The following TRIM44 variants were observed in gnomAD, a reference collection of about 807,000 sequenced individuals.
TRIM44 encodes tripartite motif containing 44.
TRIM44 carries 13 observed loss-of-function variants against 37.4 expected under a neutral mutation model. That is an observed-to-expected ratio of 0.35 (90% CI 0.23 to 0.55). The LOEUF (loss-of-function observed/expected upper bound fraction) is 0.55, where lower values mean the gene tolerates loss of function less well. Ranked by LOEUF, TRIM44 falls within the 20% of genes least tolerant of loss-of-function variation. The pLI is 0.89. For missense variants in TRIM44, 426 were observed against 437.2 expected (o/e 0.97, Z 0.23); for synonymous variants, 175 against 157.2 (o/e 1.11, Z -0.85).
At chr11:35,737,172 A>G (rs902441725) in intron 4 of TRIM44, among the ~76,000 whole-genome samples, 3 of 152,194 alleles carry the variant, frequency 2.0e-5, no homozygotes, top group Non-Finnish European at 2.9e-5. Flanking sequence ...AGAGTAAACA[A>G]ATTGTGTGCC....
rs1455608083 is a variant in TRIM44, at chr11:35,663,238, C to T, written c.127C>T (p.Arg43Cys). 1 of 1,608,762 alleles carries T rather than the reference C, an allele frequency of 6.2e-7. No homozygotes were observed. The highest frequency in any genetic ancestry group is 8.5e-7 in the Non-Finnish European group (1 of 1,176,090). ...CRECGFCYCR[R>C]HAEAHRQKFL... The stretch of plus-strand genomic sequence containing the variant: ...AGAATGCGGCTTCTGCTACTGCCGC[C>T]GCCATGCCGAGGCGCACAGGCAGAA... Residue 43 changes from arginine to cysteine, a missense_variant, in exon 1 of 5, where the codon CGC becomes TGC. Coordinates refer to ENST00000299413, the MANE Select transcript of TRIM44 (RefSeq NM_017583.6).
intron 4 of TRIM44, among the ~76,000 whole-genome samples, chr11:35,773,369 C>T (rs1036011926): frequency 4.6e-5 from 7 of 151,842 alleles, no homozygotes; most frequent in African/African-American, 1.2e-4. Flanking sequence ...AGTTTGTTAT[C>T]GATTCCAGAT....
At chr11:35,664,315 A>G (rs1175981855) in intron 1 of TRIM44, among the ~76,000 whole-genome samples, 2 of 152,226 alleles carry the variant, frequency 1.3e-5, no homozygotes, top group Admixed American at 1.3e-4. Flanking sequence ...AAAGGAGGGT[A>G]AGAAGATGGA....
intron 4 of TRIM44, among the ~76,000 whole-genome samples, chr11:35,771,309 C>G (rs981710733): frequency 1.3e-5 from 2 of 152,162 alleles, no homozygotes; most frequent in African/African-American, 2.4e-5. Flanking sequence ...AGACTGGTGG[C>G]ATTTTGCCCC....
At chr11:35,692,196 A>G (rs1206764439) in intron 2 of TRIM44, among the ~76,000 whole-genome samples, 2 of 151,986 alleles carry the variant, frequency 1.3e-5, no homozygotes, top group Non-Finnish European at 2.9e-5. Flanking sequence ...CTTACTTTTT[A>G]TAAAGAAATG....
chr11:35,717,052 G>A (rs957987987), intron 2 of TRIM44, among the ~76,000 whole-genome samples: 4 of 152,206 alleles, frequency 2.6e-5, no homozygotes, highest in African/African-American at 9.6e-5. Flanking sequence ...TTTGACGCCT[G>A]ATGGTTTGGA....
At chr11:35,689,028 G>A (rs1851612407) in intron 2 of TRIM44, among the ~76,000 whole-genome samples, 1 of 152,190 alleles carries the variant, frequency 6.6e-6, no homozygotes, top group African/African-American at 2.4e-5. Context: ...GTTGAGCAGA[G>A]GTAGGAAAGG....
At chr11:35,757,177 A>C (rs1355619622) in intron 4 of TRIM44, among the ~76,000 whole-genome samples, 1 of 152,184 alleles carries the variant, frequency 6.6e-6, no homozygotes, top group African/African-American at 2.4e-5. Context: ...CCTCAATTTT[A>C]GAGCTTGTTA....
chr11:35,785,563 G>A (rs994004681), intron 4 of TRIM44, among the ~76,000 whole-genome samples: 7 of 152,174 alleles, frequency 4.6e-5, no homozygotes, highest in Middle Eastern at 3.2e-3. Context: ...ACCCCTATTC[G>A]GGTAAGAGTT....
At chr11:35,782,662 C>T (rs1853081129) in intron 4 of TRIM44, among the ~76,000 whole-genome samples, 1 of 152,072 alleles carries the variant, frequency 6.6e-6, no homozygotes, top group Non-Finnish European at 1.5e-5. Context: ...CTCTATTAAT[C>T]AGGAAAGTAA....
chr11:35,714,779 C>T (rs532336315), intron 2 of TRIM44, among the ~76,000 whole-genome samples: 6 of 152,270 alleles, frequency 3.9e-5, no homozygotes, highest in Admixed American at 3.9e-4. Context: ...TCACTTTCCA[C>T]CTCCCACTTC....
At chr11:35,768,902 A>G (rs1036589168) in intron 4 of TRIM44, among the ~76,000 whole-genome samples, 1 of 152,226 alleles carries the variant, frequency 6.6e-6, no homozygotes, top group Non-Finnish European at 1.5e-5. Flanking sequence ...CTAAAGATGC[A>G]TTTTGTTTGG....
intron 2 of TRIM44, chr11:35,724,510 T>A (rs1157437135): frequency 6.6e-6 from 1 of 152,206 alleles, no homozygotes; most frequent in Non-Finnish European, 1.5e-5. Context: ...TCTTCCCTGC[T>A]CCCTATCTCA....
At chr11:35,712,945 T>C (rs1409602337) in intron 2 of TRIM44, among the ~76,000 whole-genome samples, 11 of 152,208 alleles carry the variant, frequency 7.2e-5, no homozygotes, top group Non-Finnish European at 2.9e-5. Context: ...CAAGCTCTCA[T>C]TCAGTTAAAG....
intron 2 of TRIM44, among the ~76,000 whole-genome samples, chr11:35,719,535 G>A (rs1239596581): frequency 6.6e-6 from 1 of 152,030 alleles, no homozygotes; most frequent in African/African-American, 2.4e-5. Context: ...ACAGAGCAGA[G>A]GTTTTTCATT....
chr11:35,714,380 T>G (rs375946067), intron 2 of TRIM44, among the ~76,000 whole-genome samples: 9 of 152,272 alleles, frequency 5.9e-5, no homozygotes, highest in African/African-American at 2.2e-4. Context: ...TGGAGAAATT[T>G]TCACCTTTCT....
At chr11:35,681,200 C>G (rs761905099) in intron 1 of TRIM44, among the ~76,000 whole-genome samples, 1 of 152,092 alleles carries the variant, frequency 6.6e-6, no homozygotes. Flanking sequence ...AGAGTATAAG[C>G]GCTCTGAGCT....
intron 4 of TRIM44, among the ~76,000 whole-genome samples, chr11:35,756,830 C>T (rs559632459): frequency 3.9e-5 from 6 of 152,210 alleles, no homozygotes; most frequent in East Asian, 1.9e-4. Context: ...GTATGTGGAA[C>T]CAGCCTTGCA....
Position 35,723,654 on chromosome 11 carries a change from G to A in TRIM44, c.748-2270G>A, listed in dbSNP as rs147760360. On this transcript the variant is annotated intron_variant, in intron 2 of 4. Coordinates refer to ENST00000299413, the MANE Select transcript of TRIM44 (RefSeq NM_017583.6). ...AAAATCCATGACTCATTCACCTGCT[G>A]CAGTCTGGCCCACACCTTTACTAAG... is the stretch of plus-strand genomic sequence containing the variant. 1.2e-3 allele frequency among the ~76,000 whole-genome samples: 181 copies of A among 152,304 alleles called. 1 individual carries two copies. The highest frequency in any genetic ancestry group is 1.2e-3 in the Non-Finnish European group (81 of 68,018).
Sources: allele counts gnomAD v4.1 joint callset (sites outside exome capture counted in the v4.1 genomes callset), GRCh38; gene constraint gnomAD v4.1.1; transcripts MANE v1.5; gene names NCBI Gene and HGNC (gene_info 2026-07-23, HGNC 2026-07-21).